Variants in CREB5 observed in about 807,000 individuals in gnomAD.
CREB5 encodes the protein cAMP responsive element binding protein 5.
Under a neutral mutation model 57.1 loss-of-function variants are expected in CREB5, and 19 were observed. The observed-to-expected ratio is 0.33, with a 90% CI of 0.23 to 0.49. CREB5 has a LOEUF of 0.49. Ranked by LOEUF, CREB5 falls within the 20% of genes least tolerant of loss-of-function variation. CREB5 has a pLI of 0.99. For missense variants in CREB5, 579 were observed against 671.6 expected (o/e 0.86, Z 1.52); for synonymous variants, 238 against 238.3 (o/e 1.00, Z 0.01).
chr7:28,302,418 G>A (rs113154317), intron 1 of CREB5, among the ~76,000 whole-genome samples: 7 of 152,146 alleles, frequency 4.6e-5, no homozygotes, highest in African/African-American at 1.7e-4. Flanking sequence ...GGACTTTAAT[G>A]TGTTTTTGTC....
intron 5 of CREB5, among the ~76,000 whole-genome samples, chr7:28,679,168 G>A (rs1235171995): frequency 6.7e-6 from 1 of 150,176 alleles, no homozygotes; most frequent in Non-Finnish European, 1.5e-5. Context: ...GCCTTTATGT[G>A]GAATTGCAAA....
At chr7:28,483,825 AC>A (rs1191195105) in intron 1 of CREB5, among the ~76,000 whole-genome samples, 1 of 152,172 alleles carries the variant, frequency 6.6e-6, no homozygotes, top group African/African-American at 2.4e-5. Context: ...AGCACCTTTG[AC>A]TTTTTTCCAT....
chr7:28,651,630 T>C (rs1433177125), intron 5 of CREB5, among the ~76,000 whole-genome samples: 1 of 152,182 alleles, frequency 6.6e-6, no homozygotes, highest in Non-Finnish European at 1.5e-5. Context: ...TTTCAACTTT[T>C]CCTGGTCCTC....
chr7:28,580,806 C>T (rs191826369), intron 5 of CREB5, among the ~76,000 whole-genome samples: 14 of 152,220 alleles, frequency 9.2e-5, no homozygotes, highest in African/African-American at 2.2e-4. Flanking sequence ...AAAGGCCCGA[C>T]CAATCACCCA....
intron 5 of CREB5, among the ~76,000 whole-genome samples, chr7:28,666,936 G>GAA (rs113572513): frequency 1.5e-4 from 19 of 129,260 alleles, no homozygotes; most frequent in South Asian, 9.9e-4. Flanking sequence ...CCTTTCTTAG[G>GAA]AAAAAAAAAA....
chr7:28,434,362 C>T (rs1019468336), intron 1 of CREB5, among the ~76,000 whole-genome samples: 1 of 152,192 alleles, frequency 6.6e-6, no homozygotes, highest in South Asian at 2.1e-4. Flanking sequence ...GAATTTTAAT[C>T]GAATGCCAAA....
intron 5 of CREB5, among the ~76,000 whole-genome samples, chr7:28,682,760 G>C (rs1800668012): frequency 6.6e-6 from 1 of 151,604 alleles, no homozygotes; most frequent in African/African-American, 2.4e-5. Context: ...CTCATAACGT[G>C]TTTGAGCTCA....
intron 7 of CREB5, among the ~76,000 whole-genome samples, chr7:28,737,586 T>G (rs1804102996): frequency 8.2e-6 from 1 of 121,988 alleles, no homozygotes; most frequent in African/African-American, 3.1e-5. Flanking sequence ...TATATATATA[T>G]ATTTTTAACT....
chr7:28,514,054 G>A (rs115606393), intron 4 of CREB5, among the ~76,000 whole-genome samples: 2,599 of 152,304 alleles, frequency 0.017, 47 homozygotes, highest in African/African-American at 0.056. Context: ...CAGCTTAGAG[G>A]AATACTGGCT....
At chr7:28,560,066 G>C (rs1426404452) in intron 4 of CREB5, among the ~76,000 whole-genome samples, 1 of 152,204 alleles carries the variant, frequency 6.6e-6, no homozygotes, top group East Asian at 1.9e-4. Flanking sequence ...TAATATGTAT[G>C]TTACTAAAGC....
intron 4 of CREB5, among the ~76,000 whole-genome samples, chr7:28,556,436 C>T (rs1794881575): frequency 6.6e-6 from 1 of 151,982 alleles, no homozygotes; most frequent in African/African-American, 2.4e-5. Flanking sequence ...GGGATGGGTG[C>T]GTCTTAGCTC....
intron 4 of CREB5, among the ~76,000 whole-genome samples, chr7:28,532,539 A>C (rs1225468569): frequency 6.6e-6 from 1 of 152,224 alleles, no homozygotes; most frequent in Non-Finnish European, 1.5e-5. Context: ...ACAACTTCAG[A>C]GGGAAAGAGT....
intron 4 of CREB5, among the ~76,000 whole-genome samples, chr7:28,551,915 CTCT>C (rs1248338173): frequency 7.4e-6 from 1 of 134,796 alleles, no homozygotes; most frequent in Non-Finnish European, 1.6e-5. Flanking sequence ...TCTTTTCTTT[CTCT>C]TTTTTCTTTC....
At chr7:28,372,015 G>A (rs1786715633) in intron 1 of CREB5, among the ~76,000 whole-genome samples, 2 of 152,124 alleles carry the variant, frequency 1.3e-5, no homozygotes, top group African/African-American at 4.8e-5. Context: ...AGTGTGCCAG[G>A]CTCTGTTCTG....
chr7:28,445,689 C>T (rs893825987), intron 1 of CREB5, among the ~76,000 whole-genome samples: 173 of 152,078 alleles, frequency 1.1e-3, no homozygotes, highest in African/African-American at 4.0e-3. Context: ...GTAGCTGGGA[C>T]TACAGGCGCC....
intron 1 of CREB5, among the ~76,000 whole-genome samples, chr7:28,356,110 G>GGT (rs1786336218): frequency 1.3e-5 from 2 of 152,080 alleles, no homozygotes; most frequent in African/African-American, 4.8e-5. Context: ...CCAAAATGAC[G>GGT]TCTATAAATA....
intron 1 of CREB5, among the ~76,000 whole-genome samples, chr7:28,414,827 A>C (rs1787964067): frequency 6.6e-6 from 1 of 152,060 alleles, no homozygotes; most frequent in Admixed American, 6.5e-5. Flanking sequence ...AGAAATTTCC[A>C]GATAGTGATA....
At chr7:28,653,123 G>T (rs148891087) in intron 5 of CREB5, among the ~76,000 whole-genome samples, 1 of 152,208 alleles carries the variant, frequency 6.6e-6, no homozygotes, top group African/African-American at 2.4e-5. Context: ...CATGTAAAGC[G>T]TAACATCAAA....
At chr7:28,550,524 C>G (rs912732723) in intron 4 of CREB5, among the ~76,000 whole-genome samples, 2 of 152,266 alleles carry the variant, frequency 1.3e-5, no homozygotes, top group East Asian at 1.9e-4. Flanking sequence ...AGATGTCGGT[C>G]GAGCTCTCCT....
Sources: allele counts gnomAD v4.1 joint callset (sites outside exome capture counted in the v4.1 genomes callset), GRCh38; gene constraint gnomAD v4.1.1; transcripts MANE v1.5; gene names NCBI Gene and HGNC (gene_info 2026-07-23, HGNC 2026-07-21).